The following CFAP54 variants were observed in gnomAD, a reference collection of about 807,000 sequenced individuals.
CFAP54 encodes the protein cilia and flagella associated protein 54, also known as cilia- and flagella-associated protein 54.
Under a neutral mutation model 370.4 loss-of-function variants are expected in CFAP54, and 290 were observed. The observed-to-expected ratio is 0.78, with a 90% CI of 0.71 to 0.86. The LOEUF is 0.86. Among genes scored for constraint, CFAP54 ranks in the 40% least tolerant of loss-of-function variants. CFAP54 has a pLI of 0.00. For synonymous variants in CFAP54, 1,206 were observed against 1,236.5 expected, an observed-to-expected ratio of 0.98 and a Z score of 0.52; for missense variants, 3,399 against 3,528.7, an observed-to-expected ratio of 0.96 and a Z score of 0.93.
intron 58 of CFAP54, among the ~76,000 whole-genome samples, chr12:96,762,229 C>T (rs1243511961): frequency 6.6e-6 from 1 of 152,128 alleles, no homozygotes; most frequent in African/African-American, 2.4e-5. Context: ...TATAAAAATA[C>T]AGTTCATTTG....
chr12:96,874,646 T>TTTTTTTTTTTGTG, intron 67 of CFAP54, among the ~76,000 whole-genome samples: 1 of 103,722 alleles, frequency 9.6e-6, no homozygotes. Flanking sequence ...TTTTTTTTTT[T>TTTTTTTTTTTGTG]TGAGACGGAG....
chr12:96,598,579 C>A (rs1391878271), intron 25 of CFAP54, 66 bp from the exon 26 acceptor site: 1 of 475,164 alleles, frequency 2.1e-6, no homozygotes, highest in Non-Finnish European at 3.8e-6. Flanking sequence ...TTGAATGGAA[C>A]ATTTTCTAAT....
At chr12:96,766,880 AG>A (rs1958406619) in intron 60 of CFAP54, among the ~76,000 whole-genome samples, 3 of 152,184 alleles carry the variant, frequency 2.0e-5, no homozygotes, top group Admixed American at 2.0e-4. Flanking sequence ...CTACAACAAC[AG>A]GAACTCATTC....
At chr12:96,775,725 G>C (rs888963179) in intron 60 of CFAP54, among the ~76,000 whole-genome samples, 2 of 152,016 alleles carry the variant, frequency 1.3e-5, no homozygotes, top group Non-Finnish European at 2.9e-5. Flanking sequence ...ATATTCTTAA[G>C]TATTATATCT....
At chr12:96,685,941 C>G (rs1265751214) in intron 42 of CFAP54, among the ~76,000 whole-genome samples, 1 of 152,176 alleles carries the variant, frequency 6.6e-6, no homozygotes. Flanking sequence ...GGGCCTCATT[C>G]AAAAGTGTAC....
At chr12:96,655,633 T>C (rs2136509817) in intron 36 of CFAP54, among the ~76,000 whole-genome samples, 1 of 152,256 alleles carries the variant, frequency 6.6e-6, no homozygotes, top group African/African-American at 2.4e-5. Flanking sequence ...TCAGTATAAT[T>C]CAGATTATGG....
chr12:96,749,629 A>G (rs959295828), intron 55 of CFAP54, among the ~76,000 whole-genome samples: 5 of 152,176 alleles, frequency 3.3e-5, no homozygotes, highest in African/African-American at 1.2e-4. Context: ...TATAACTTGA[A>G]CTACTTTTAC....
At chr12:96,667,977 C>T (rs566849364) in intron 39 of CFAP54, among the ~76,000 whole-genome samples, 3 of 152,330 alleles carry the variant, frequency 2.0e-5, no homozygotes, top group Admixed American at 2.0e-4. Flanking sequence ...CTGCCAGTCT[C>T]TTTGCATAGC....
chr12:96,861,670 G>A (rs1384126979), intron 67 of CFAP54, among the ~76,000 whole-genome samples: 1 of 152,180 alleles, frequency 6.6e-6, no homozygotes, highest in Non-Finnish European at 1.5e-5. Context: ...CTTAAATTCT[G>A]TAAGCTTTTA....
chr12:96,611,352 A>G (rs1213837324), intron 26 of CFAP54, among the ~76,000 whole-genome samples: 2 of 152,258 alleles, frequency 1.3e-5, no homozygotes, highest in Non-Finnish European at 1.5e-5. Context: ...AAAACTAACA[A>G]ACAGAAAGGA....
chr12:96,835,391 G>A (rs1377399801), intron 66 of CFAP54, among the ~76,000 whole-genome samples: 1 of 152,060 alleles, frequency 6.6e-6, no homozygotes, highest in South Asian at 2.1e-4. Context: ...GGTGGCCAAG[G>A]GTGGGCCCGG....
intron 4 of CFAP54, among the ~76,000 whole-genome samples, chr12:96,507,427 C>G (rs1955115229): frequency 6.6e-6 from 1 of 151,830 alleles, no homozygotes; most frequent in Non-Finnish European, 1.5e-5. Context: ...TAAGCATCAC[C>G]CATTTACTGG....
chr12:96,712,340 T>C (rs753399832), intron 48 of CFAP54, among the ~76,000 whole-genome samples: 6 of 152,172 alleles, frequency 3.9e-5, no homozygotes, highest in Non-Finnish European at 7.4e-5. Flanking sequence ...AAATTCATTA[T>C]ATAATAAATT....
chr12:96,515,264 C>G (rs1955217995), intron 5 of CFAP54, among the ~76,000 whole-genome samples: 1 of 152,084 alleles, frequency 6.6e-6, no homozygotes, highest in Non-Finnish European at 1.5e-5. Context: ...CCGCCTCAAG[C>G]CTTCCAAAAT....
rs548029547 is a variant in CFAP54 at position 96,726,821 on chromosome 12, A to T, written c.6965+6256A>T. Among the ~76,000 whole-genome samples the T allele has an allele frequency of 6.6e-5, 10 of 151,988 alleles. No individual in the cohort carries two copies. In the South Asian group the frequency reaches 1.5e-3, roughly 22 times the overall value. Reference sequence around the variant, plus strand: ...TTCTCTTGTGGGCATTTAGTGCTATAAATTTCCCTCTACACACTGCTTTGA... The same window carrying T: ...TTCTCTTGTGGGCATTTAGTGCTATTAATTTCCCTCTACACACTGCTTTGA... On this transcript the variant is annotated intron_variant, in intron 50 of 67. Transcript: ENST00000524981.
intron 50 of CFAP54, among the ~76,000 whole-genome samples, chr12:96,734,364 A>C (rs1173540466): frequency 6.6e-6 from 1 of 152,188 alleles, no homozygotes; most frequent in East Asian, 1.9e-4. Flanking sequence ...CTAGAATGTC[A>C]GTTCCACGAG....
At chr12:96,663,127 G>A (rs1239467855) in intron 38 of CFAP54, among the ~76,000 whole-genome samples, 1 of 152,082 alleles carries the variant, frequency 6.6e-6, no homozygotes, top group Non-Finnish European at 1.5e-5. Context: ...GATCAAGTAG[G>A]GCCTTATGAG....
chr12:96,585,345 G>A (rs987583972), intron 22 of CFAP54, among the ~76,000 whole-genome samples: 11 of 151,968 alleles, frequency 7.2e-5, no homozygotes, highest in Non-Finnish European at 1.5e-4. Context: ...ATTTTTAGAA[G>A]AGATAGGATT....
intron 66 of CFAP54, among the ~76,000 whole-genome samples, chr12:96,856,766 C>T (rs544953804): frequency 5.0e-4 from 75 of 151,060 alleles, no homozygotes; most frequent in African/African-American, 1.7e-3. Flanking sequence ...CTGTCCTCTT[C>T]TGAGCCCTCC....
Sources: allele counts gnomAD v4.1 joint callset (sites outside exome capture counted in the v4.1 genomes callset), GRCh38; gene constraint gnomAD v4.1.1; transcripts MANE v1.5; gene names NCBI Gene and HGNC (gene_info 2026-07-23, HGNC 2026-07-21).